EMILIN2: variants seen among roughly 807,000 people sequenced by gnomAD.
The protein encoded by EMILIN2 is EMILIN-2.
In EMILIN2, 71 loss-of-function variants were observed where a neutral mutation model predicts 87.1. The observed-to-expected ratio is 0.82, with a 90% confidence interval of 0.67 to 0.99. EMILIN2 has a LOEUF of 0.99. EMILIN2 is among the 50% of genes least tolerant of loss of function. EMILIN2 has a pLI of 0.00. For synonymous variants in EMILIN2, 581 were observed against 563.4 expected, an observed-to-expected ratio of 1.03 and a Z score of -0.44; for missense variants, 1,407 against 1,371.8, an observed-to-expected ratio of 1.03 and a Z score of -0.40.
At chr18:2,905,868 G>T (rs958344944) in intron 4 of EMILIN2, among the ~76,000 whole-genome samples, 1 of 151,368 alleles carries the variant, frequency 6.6e-6, no homozygotes, top group African/African-American at 2.4e-5. Context: ...AAGTGATCCG[G>T]CCGCGTCGGC....
At chr18:2,874,488 GC>G (rs1166542425) in intron 2 of EMILIN2, among the ~76,000 whole-genome samples, 2 of 152,120 alleles carry the variant, frequency 1.3e-5, no homozygotes, top group African/African-American at 4.8e-5. Context: ...TCGCTAAGCA[GC>G]CCCCTCCCCT....
chr18:2,909,995 A>G (rs2076933203), intron 7 of EMILIN2, among the ~76,000 whole-genome samples, 176 bp downstream of exon 7: 1 of 152,234 alleles, frequency 6.6e-6, no homozygotes, highest in South Asian at 2.1e-4. Context: ...GCTTTCACGT[A>G]GAACGTGTCC....
chr18:2,910,357 G>C (rs2076934904), intron 7 of EMILIN2, among the ~76,000 whole-genome samples: 1 of 152,190 alleles, frequency 6.6e-6, no homozygotes, highest in Non-Finnish European at 1.5e-5. Flanking sequence ...GCAGCGCCTG[G>C]CGTGTCCCCC....
At chr18:2,863,919 A>G (rs934774130) in intron 2 of EMILIN2, among the ~76,000 whole-genome samples, 10 of 152,230 alleles carry the variant, frequency 6.6e-5, no homozygotes, top group Admixed American at 6.5e-4. Flanking sequence ...TTGGGTGCAT[A>G]TATATTTAGG....
chr18:2,874,445 G>A (rs1440735168), intron 2 of EMILIN2, among the ~76,000 whole-genome samples: 1 of 152,078 alleles, frequency 6.6e-6, no homozygotes, highest in African/African-American at 2.4e-5. Context: ...ACAGAATGGG[G>A]AAAATAACTT....
chr18:2,853,458 T>C (rs1000073970), intron 2 of EMILIN2, among the ~76,000 whole-genome samples: 1 of 151,808 alleles, frequency 6.6e-6, no homozygotes, highest in Non-Finnish European at 1.5e-5. Context: ...AGACATGGAA[T>C]CGGAGTGACT....
chr18:2,898,177 ATGAG>A (rs1310585867), intron 4 of EMILIN2, among the ~76,000 whole-genome samples: 3 of 152,136 alleles, frequency 2.0e-5, no homozygotes. Context: ...TGAGTGACCC[ATGAG>A]TGATTCATAG....
intron 4 of EMILIN2, among the ~76,000 whole-genome samples, chr18:2,902,012 C>T (rs191761282): frequency 1.0e-3 from 154 of 152,314 alleles, no homozygotes; most frequent in African/African-American, 3.3e-3. Context: ...CAAGGAATAT[C>T]TTAGTTCATT....
At chr18:2,883,481 C>T (rs969109963) in intron 2 of EMILIN2, among the ~76,000 whole-genome samples, 1 of 152,222 alleles carries the variant, frequency 6.6e-6, no homozygotes, top group African/African-American at 2.4e-5. Context: ...AGCTGAAGAG[C>T]TTCAAGAGAG....
chr18:2,857,397 A>T (rs930630704), intron 2 of EMILIN2, among the ~76,000 whole-genome samples: 3 of 152,188 alleles, frequency 2.0e-5, no homozygotes, highest in Non-Finnish European at 4.4e-5. Context: ...AAGGCACAAG[A>T]TGTTTCCCTC....
chr18:2,861,317 G>A (rs903960002), intron 2 of EMILIN2, among the ~76,000 whole-genome samples: 1 of 152,214 alleles, frequency 6.6e-6, no homozygotes, highest in African/African-American at 2.4e-5. Flanking sequence ...CCATGCCTAT[G>A]TCCTGAATGG....
chr18:2,909,848 G>A (rs1568487228), intron 7 of EMILIN2, 29 bp downstream of exon 7: 3 of 1,605,564 alleles, frequency 1.9e-6, no homozygotes, highest in Non-Finnish European at 2.5e-6. Context: ...CTGGTACTGT[G>A]TCCTCCTCCT....
chr18:2,909,841 G>A (rs750506973), intron 7 of EMILIN2, 22 bp downstream of exon 7: 1 of 1,609,802 alleles, frequency 6.2e-7, no homozygotes. Flanking sequence ...AACGGAACTG[G>A]TACTGTGTCC....
chr18:2,872,239 G>A (rs1286036016), intron 2 of EMILIN2, among the ~76,000 whole-genome samples: 1 of 152,192 alleles, frequency 6.6e-6, no homozygotes, highest in Non-Finnish European at 1.5e-5. Flanking sequence ...AAAAGCATGT[G>A]TTTTTAGCTT....
intron 7 of EMILIN2, 35 bp from the exon 8 acceptor site, chr18:2,913,032 G>A (rs2076948881): frequency 6.9e-6 from 11 of 1,598,542 alleles, no homozygotes; most frequent in Non-Finnish European, 9.3e-6. Flanking sequence ...TGTGACGACA[G>A]CAGGTGAGCA....
At chr18:2,902,656 CG>C (rs2076892964) in intron 4 of EMILIN2, among the ~76,000 whole-genome samples, 1 of 151,938 alleles carries the variant, frequency 6.6e-6, no homozygotes, top group Admixed American at 6.6e-5. Flanking sequence ...AACGTCAGGC[CG>C]GAGAGAGTCA....
intron 2 of EMILIN2, among the ~76,000 whole-genome samples, chr18:2,868,400 G>A (rs1376049332): frequency 3.9e-5 from 6 of 152,362 alleles, no homozygotes; most frequent in South Asian, 2.1e-4. Flanking sequence ...ACAGGGTGGC[G>A]GCTGGGCAGA....
chr18:2,857,262 A>T (rs1157609513), intron 2 of EMILIN2, among the ~76,000 whole-genome samples: 1 of 152,066 alleles, frequency 6.6e-6, no homozygotes, highest in Non-Finnish European at 1.5e-5. Context: ...ATTTGCTGAG[A>T]CTTTGCAGCT....
chr18:2,846,700 G>A, upstream of EMILIN2: 1 of 975,302 alleles, frequency 1.0e-6, no homozygotes, highest in South Asian at 4.7e-5. This position sits in a 1 kb window ranked among gnomAD's most constrained non-coding sequence, Gnocchi z 5.3. Context: ...CAGACTCGCC[G>A]ACGGCGGCCG....
Sources: allele counts gnomAD v4.1 joint callset (sites outside exome capture counted in the v4.1 genomes callset), GRCh38; gene constraint gnomAD v4.1.1; non-coding constraint Gnocchi (gnomAD v3.1); transcripts MANE v1.5; gene names NCBI Gene and HGNC (gene_info 2026-07-23, HGNC 2026-07-21).